PDE6B: variants seen among roughly 807,000 people sequenced by gnomAD.
PDE6B encodes phosphodiesterase 6B.
Under a neutral mutation model 109.0 loss-of-function variants are expected in PDE6B, and 106 were observed. That is an observed-to-expected ratio of 0.97 (90% CI 0.83 to 1.14). PDE6B has a LOEUF of 1.14. Ranked by LOEUF, PDE6B falls within the 50% of genes most tolerant of loss-of-function variation. The probability of loss-of-function intolerance (pLI) is 0.00; values close to 1 mark genes in which losing one functional copy is unlikely to be tolerated. For missense variants in PDE6B, 1,193 were observed against 1,155.6 expected (o/e 1.03, Z -0.47); for synonymous variants, 490 against 471.3 (o/e 1.04, Z -0.51).
At chr4:661,118 A>G in intron 12 of PDE6B, 1 of 155,026 alleles carries the variant, frequency 6.5e-6, no homozygotes, top group East Asian at 2.0e-4. Context: ...TGGATGAGTG[A>G]TAGATGAGTA....
chr4:640,637 T>C lies in PDE6B; in HGVS notation c.711+4668T>C, dbSNP rs200456251. On this transcript the variant is annotated intron_variant, in intron 3 of 21. Coordinates refer to ENST00000496514, the MANE Select transcript of PDE6B (RefSeq NM_000283.4). ...CACTAAACCCAAGGTCACCTACATT[T>C]TCTCTTATTGTCTGCTAGAGGTTGT... 2.0e-5 allele frequency among the ~76,000 whole-genome samples: 3 copies of C among 152,362 alleles called. No individual in the cohort carries two copies. The East Asian group carries it at 5.8e-4, about 29-fold the overall frequency.
At chr4:654,778 A>C in intron 5 of PDE6B, 46 bp from the exon 6 acceptor site, 1 of 977,284 alleles carries the variant, frequency 1.0e-6, no homozygotes, top group Non-Finnish European at 1.7e-6. Flanking sequence ...TGAGCCCCTC[A>C]GAGCTTGGCC....
intron 3 of PDE6B, among the ~76,000 whole-genome samples, chr4:647,150 G>A (rs900458293): frequency 2.0e-5 from 3 of 152,028 alleles, no homozygotes; most frequent in East Asian, 1.9e-4. Flanking sequence ...GCGCCACCTC[G>A]CCTGGCCTGA....
At chr4:659,169 C>CTTAGTT (rs1306743387) in intron 11 of PDE6B, 152 bp downstream of exon 11, 15 of 698,562 alleles carry the variant, frequency 2.1e-5, no homozygotes, top group African/African-American at 1.8e-4. Context: ...ATCTAAGCAC[C>CTTAGTT]TTAGTGTACG....
chr4:640,081 G>C (rs1734874454), intron 3 of PDE6B, among the ~76,000 whole-genome samples: 1 of 152,184 alleles, frequency 6.6e-6, no homozygotes, highest in South Asian at 2.1e-4. Flanking sequence ...TGAGGTGGGA[G>C]AATCACTTGA....
At chr4:657,324 C>A in intron 9 of PDE6B, 27 bp from the exon 10 acceptor site, 1 of 1,612,176 alleles carries the variant, frequency 6.2e-7, no homozygotes, top group Non-Finnish European at 8.5e-7. Flanking sequence ...GAGCGCTGAG[C>A]GCCAGTGACA....
intron 3 of PDE6B, chr4:653,397 C>A: frequency 9.6e-7 from 1 of 1,043,482 alleles, no homozygotes; most frequent in African/African-American, 1.7e-5. Context: ...GGGGTCTGGC[C>A]AGGACCTCGT....
Position 662,733 on chromosome 4 carries a change from G to A in PDE6B, c.1832+115G>A, listed in dbSNP as rs1400801044. 2.1e-5 allele frequency: 16 copies of A among 751,026 alleles called. No individual in the cohort carries two copies. Among genetic ancestry groups the A allele is most frequent in the Middle Eastern group, 2.4e-4 (1 of 4,166 alleles). 46.5% of individuals were successfully genotyped at this position (751,026 alleles called of 1,614,324 possible). A position where few individuals can be genotyped will look rare whatever the true frequency, so the allele number is the denominator to read the frequency against. ...AAAGTGGAGTCCACGGCCAGGCCCC[G>A]TACTCCAGCACTGTGGGAGGCCAAG... is the stretch of plus-strand genomic sequence containing the variant. On this transcript the variant is annotated intron_variant, in intron 14 of 21. Transcript: ENST00000496514. This position sits in a 1 kb window ranked among gnomAD's most constrained non-coding sequence, Gnocchi z 4.3.
At chr4:630,045 G>A (rs1234139751) in intron 1 of PDE6B, among the ~76,000 whole-genome samples, 2 of 152,136 alleles carry the variant, frequency 1.3e-5, no homozygotes, top group African/African-American at 4.8e-5. Context: ...GAAGAGACCA[G>A]CAGGCAAGGA....
In PDE6B at chr4:625,840, A is replaced by T; in HGVS notation, c.214A>T (p.Met72Leu). 6.2e-7 allele frequency: 1 copy of T among 1,612,804 alleles called. No homozygotes were observed. The highest frequency in any genetic ancestry group is 1.1e-5 in the South Asian group (1 of 91,040). Residue 72 changes from methionine to leucine, a missense_variant, in exon 1 of 22, where the codon ATG (methionine) becomes TTG (leucine). Transcript: ENST00000496514. The surrounding 1 kb of genome is among the most constrained non-coding windows in gnomAD (Gnocchi z 5.0). ...LVQDMQESIN[M>L]ERVVFKVLRR... ...GCAGGATATGCAGGAGAGCATCAAC[A>T]TGGAGCGCGTGGTCTTCAAGGTCCT...
chr4:637,346 G>T (rs1282559333), intron 3 of PDE6B, among the ~76,000 whole-genome samples: 1 of 151,754 alleles, frequency 6.6e-6, no homozygotes, highest in South Asian at 2.1e-4. Flanking sequence ...TCAGCCTCCC[G>T]AGTAGCTGGG....
In PDE6B at chr4:666,664, G is replaced by A. The variant is rs1258063221; in HGVS notation, c.2352+50G>A. The A allele has an allele frequency of 9.3e-6, 12 of 1,284,746 alleles. No homozygotes were observed. The highest frequency in any genetic ancestry group is 1.2e-5 in the Non-Finnish European group (11 of 880,306). 79.6% of individuals were successfully genotyped at this position (1,284,746 alleles called of 1,614,324 possible). On this transcript the variant is annotated intron_variant, in intron 20 of 21. Transcript: ENST00000496514. This position sits in a 1 kb window ranked among gnomAD's most constrained non-coding sequence, Gnocchi z 5.6. ...GCTGACTGGGGCAGGGTGGCTGGGAGCAGGCAAGGGGGCGCGGGCTGGAGT... is the reference window on the plus strand; with the variant it reads ...GCTGACTGGGGCAGGGTGGCTGGGAACAGGCAAGGGGGCGCGGGCTGGAGT...
intron 3 of PDE6B, among the ~76,000 whole-genome samples, chr4:641,774 G>A (rs1389302569): frequency 2.6e-5 from 4 of 152,150 alleles, no homozygotes; most frequent in African/African-American, 7.2e-5. Flanking sequence ...AGCCTCCCAA[G>A]TAGCTGAGAC....
chr4:644,111 G>T (rs911067261), intron 3 of PDE6B, among the ~76,000 whole-genome samples: 3 of 151,478 alleles, frequency 2.0e-5, no homozygotes, highest in Admixed American at 1.3e-4. Context: ...TAGAGACGGG[G>T]TTTCACCATG....
At position 654,172 on chromosome 4, in the gene PDE6B, G is replaced by A. The variant is rs199685250; in HGVS notation, c.927+18G>A. 176 of 1,605,742 alleles carry A rather than the reference G, an allele frequency of 1.1e-4. 1 individual carries two copies. In the East Asian group the frequency reaches 3.8e-3, roughly 35 times the overall value. On this transcript the variant is annotated intron_variant, in intron 5 of 21. Coordinates refer to ENST00000496514, the MANE Select transcript of PDE6B (RefSeq NM_000283.4). Reference sequence around the variant, plus strand: ...ATGGCCGGGTGAGTCTTAGGGGAGGGGCCCAGGGCCTGTCCACACGCCTCT... The same window carrying A: ...ATGGCCGGGTGAGTCTTAGGGGAGGAGCCCAGGGCCTGTCCACACGCCTCT...
intron 3 of PDE6B, among the ~76,000 whole-genome samples, chr4:646,135 G>A (rs764450374): frequency 6.6e-6 from 1 of 151,928 alleles, no homozygotes; most frequent in African/African-American, 2.4e-5. Context: ...CTGTTTCCAA[G>A]GAACTTCTTT....
intron 3 of PDE6B, among the ~76,000 whole-genome samples, chr4:637,806 A>G (rs1291611467): frequency 1.3e-5 from 2 of 152,098 alleles, no homozygotes; most frequent in African/African-American, 4.8e-5. Context: ...GACGTCTCCA[A>G]CCCTGGTCCA....
Position 633,171 on chromosome 4 carries a change from G to A in PDE6B, c.469-1506G>A, listed in dbSNP as rs889322597. Among the ~76,000 whole-genome samples the A allele has an allele frequency of 6.6e-6, 1 of 151,952 alleles. No individual in the cohort carries two copies. The highest frequency in any genetic ancestry group is 6.6e-5 in the Admixed American group (1 of 15,254). ...GTGCAGAGATGAGCCCTCGGGGGAC[G>A]CAGGTGCAGAGATGAGCCCTCAGGG... On this transcript the variant is annotated intron_variant, in intron 1 of 21. Transcript: ENST00000496514. This position sits in a 1 kb window ranked among gnomAD's most constrained non-coding sequence, Gnocchi z 4.5.
chr4:670,123 G>C lies in PDE6B; in HGVS notation c.*16G>C. ...TATCCTGTGAGCACTGGTCCCATGG[G>C]GACCCTATGGCTCCCTCAATCTTCA... On this transcript the variant is annotated 3_prime_UTR_variant, in exon 22 of 22. Coordinates refer to ENST00000496514, the MANE Select transcript of PDE6B (RefSeq NM_000283.4). 6.2e-7 allele frequency: 1 copy of C among 1,611,390 alleles called. No homozygotes were observed.
Sources: allele counts gnomAD v4.1 joint callset (sites outside exome capture counted in the v4.1 genomes callset), GRCh38; gene constraint gnomAD v4.1.1; non-coding constraint Gnocchi (gnomAD v3.1); transcripts MANE v1.5; gene names NCBI Gene and HGNC (gene_info 2026-07-23, HGNC 2026-07-21).